ALK: variants seen among roughly 807,000 people sequenced by gnomAD.
ALK encodes the protein ALK receptor tyrosine kinase.
In ALK, 74 loss-of-function variants were observed where a neutral mutation model predicts 163.1. The ratio of observed to expected loss-of-function variants is 0.45; its 90% CI spans 0.38 to 0.55. ALK has a LOEUF of 0.55. Ranked by LOEUF, ALK falls within the 20% of genes least tolerant of loss-of-function variation. The pLI, the probability that ALK is intolerant of heterozygous loss-of-function variation, is 0.00. For missense variants in ALK, 2,063 were observed against 2,105.3 expected, an observed-to-expected ratio of 0.98 and a Z score of 0.39; for synonymous variants, 960 against 843.2, an observed-to-expected ratio of 1.14 and a Z score of -2.40.
intron 13 of ALK, among the ~76,000 whole-genome samples, chr2:29,238,707 A>G (rs1052279531): frequency 1.3e-5 from 2 of 152,174 alleles, no homozygotes; most frequent in African/African-American, 4.8e-5. Flanking sequence ...TTGCCCAACC[A>G]GCAGAGTGAG....
At chr2:29,272,086 C>G (rs1487205323) in intron 11 of ALK, among the ~76,000 whole-genome samples, 1 of 150,246 alleles carries the variant, frequency 6.7e-6, no homozygotes, top group African/African-American at 2.5e-5. Flanking sequence ...CCTGACTGTT[C>G]CTCCTCACTG....
At chr2:29,675,591 A>G (rs1244245678) in intron 3 of ALK, among the ~76,000 whole-genome samples, 1 of 151,922 alleles carries the variant, frequency 6.6e-6, no homozygotes, top group Non-Finnish European at 1.5e-5. Context: ...ATCCAGTGTG[A>G]AAATCACCTG....
At chr2:29,353,397 A>G (rs1668166038) in intron 5 of ALK, among the ~76,000 whole-genome samples, 1 of 152,174 alleles carries the variant, frequency 6.6e-6, no homozygotes, top group East Asian at 1.9e-4. Flanking sequence ...ACATTTTGCA[A>G]TTACTCCAAT....
chr2:29,208,003 C>A, intron 25 of ALK: 1 of 441,594 alleles, frequency 2.3e-6, no homozygotes, highest in Non-Finnish European at 4.6e-6. Context: ...TAATTAATTA[C>A]CTCAATAAAT....
chr2:29,251,369 C>G, intron 11 of ALK, 102 bp from the exon 12 acceptor site: 1 of 1,236,378 alleles, frequency 8.1e-7, no homozygotes, highest in Non-Finnish European at 1.1e-6. Flanking sequence ...TGGCCCCAAA[C>G]CCTCCATCCA....
intron 3 of ALK, among the ~76,000 whole-genome samples, chr2:29,665,436 G>T (rs1429504570): frequency 2.0e-5 from 3 of 152,028 alleles, no homozygotes; most frequent in African/African-American, 4.8e-5. Flanking sequence ...AGTTTAATGT[G>T]TCTGTCACCT....
chr2:29,333,719 T>G (rs946460664), intron 5 of ALK, among the ~76,000 whole-genome samples: 12 of 152,264 alleles, frequency 7.9e-5, no homozygotes, highest in African/African-American at 2.9e-4. Flanking sequence ...CGACCTCGGG[T>G]GATTCTTCCA....
rs1668933679 is a variant in ALK at position 29,193,497 on chromosome 2, C to A, written c.4590G>T (p.Arg1530Ser). Residue 1530 changes from arginine to serine, a missense_variant, in exon 29 of 29, where the codon AGG becomes AGT. By Grantham distance (110) the Arg-to-Ser change is moderately radical (BLOSUM62 -1). Around this residue, in one of 5 missense-constraint regions of ALK, gnomAD observed 403 missense variants for 366.2 expected, o/e 1.10. Coordinates refer to ENST00000389048, the MANE Select transcript of ALK (RefSeq NM_004304.5). ...AGCTTCCCTCCAGCCCCAGGTTACCCCTGTCGTGTGGCTCCTTCTTTGCTA... is the reference window on the plus strand; with the variant it reads ...AGCTTCCCTCCAGCCCCAGGTTACCACTGTCGTGTGGCTCCTTCTTTGCTA... ...NPIAKKEPHD[R>S]GNLGLEGSCT... 6.2e-7 allele frequency: 1 copy of A among 1,614,156 alleles called. No individual in the cohort carries two copies. Among genetic ancestry groups the A allele is most frequent in the Non-Finnish European group, 8.5e-7 (1 of 1,180,032 alleles).
intron 5 of ALK, among the ~76,000 whole-genome samples, chr2:29,346,274 G>C (rs1407574720): frequency 1.3e-5 from 2 of 152,162 alleles, no homozygotes; most frequent in Non-Finnish European, 2.9e-5. Flanking sequence ...GCAGGGTGAG[G>C]ATTGCGTCTA....
chr2:29,228,473 G>C (rs1439170165), intron 16 of ALK, among the ~76,000 whole-genome samples: 3 of 152,170 alleles, frequency 2.0e-5, no homozygotes, highest in Non-Finnish European at 2.9e-5. Flanking sequence ...CGCCTTTCAG[G>C]AAGCTGGTGG....
At chr2:29,638,773 C>T (rs1558420541) in intron 3 of ALK, among the ~76,000 whole-genome samples, 1 of 152,098 alleles carries the variant, frequency 6.6e-6, no homozygotes. Context: ...TGGGACTGAA[C>T]CACAGCACCC....
At position 29,313,834 on chromosome 2, in the gene ALK, G is replaced by A. The variant is rs187340680; in HGVS notation, c.1647+4470C>T. ...TAAAGGAAGGTCCCCTTCTGCTTTT[G>A]TTTTTCCTCGGTCTCATGCCATCTG... On this transcript the variant is annotated intron_variant, in intron 8 of 28. Transcript: ENST00000389048. Among the ~76,000 whole-genome samples the A allele has an allele frequency of 4.6e-5, 7 of 152,188 alleles. No homozygotes were observed. In the East Asian group the frequency reaches 1.4e-3, roughly 29 times the overall value.
rs1054887498 is a variant in ALK, at chr2:29,506,424, T to C, written c.1154+25491A>G. ...ACAGGGTGAGCTCATCAGGGGATAATGCTTTGCACTTTTTAGAAAATATGA... is the reference window on the plus strand; with the variant it reads ...ACAGGGTGAGCTCATCAGGGGATAACGCTTTGCACTTTTTAGAAAATATGA... On this transcript the variant is annotated intron_variant, in intron 4 of 28. Transcript: ENST00000389048. Among the ~76,000 whole-genome samples the C allele has an allele frequency of 3.9e-5, 6 of 152,152 alleles. No individual in the cohort carries two copies. In the South Asian group the frequency reaches 6.2e-4, roughly 16 times the overall value.
intron 4 of ALK, among the ~76,000 whole-genome samples, chr2:29,500,288 G>A (rs1390041816): frequency 1.3e-5 from 2 of 152,148 alleles, no homozygotes; most frequent in African/African-American, 4.8e-5. Context: ...GAGTGAGTGA[G>A]TTATCACAAA....
intron 19 of ALK, among the ~76,000 whole-genome samples, chr2:29,225,045 G>T (rs1295569744): frequency 6.6e-6 from 1 of 152,216 alleles, no homozygotes; most frequent in Non-Finnish European, 1.5e-5. Context: ...TGCCTGGAGG[G>T]TGGTGGAGGG....
At chr2:29,828,535 T>C (rs1340691402) in intron 1 of ALK, among the ~76,000 whole-genome samples, 1 of 152,120 alleles carries the variant, frequency 6.6e-6, no homozygotes, top group Non-Finnish European at 1.5e-5. Context: ...AAGAAGACAT[T>C]TATGCAGCCA....
chr2:29,837,858 G>T (rs1270919668), intron 1 of ALK, among the ~76,000 whole-genome samples: 2 of 152,104 alleles, frequency 1.3e-5, no homozygotes, highest in Non-Finnish European at 2.9e-5. Flanking sequence ...CAGAAGAAAA[G>T]CCAGTCAATA....
chr2:29,458,339 G>A (rs1012957186), intron 4 of ALK, among the ~76,000 whole-genome samples: 6 of 152,070 alleles, frequency 3.9e-5, no homozygotes, highest in Non-Finnish European at 7.4e-5. Context: ...AGTCACACCC[G>A]GGGACTTAGC....
intron 3 of ALK, among the ~76,000 whole-genome samples, chr2:29,590,720 T>C (rs1675024860): frequency 6.6e-6 from 1 of 152,126 alleles, no homozygotes; most frequent in Non-Finnish European, 1.5e-5. Flanking sequence ...TGGCTATGTA[T>C]TCCCACCTGC....
Sources: gnomAD v4.1 joint callset for allele counts (sites outside exome capture counted in the v4.1 genomes callset) on GRCh38, gnomAD v4.1.1 for gene constraint, gnomAD v4.1.1 regional missense constraint, MANE v1.5 for transcripts, NCBI Gene and HGNC (gene_info 2026-07-23, HGNC 2026-07-21) for gene names.